The following PFKP variants were observed in gnomAD, a reference collection of about 807,000 sequenced individuals.
The protein encoded by PFKP is ATP-dependent 6-phosphofructokinase, platelet type.
Under a neutral mutation model 94.3 loss-of-function variants are expected in PFKP, and 101 were observed. The ratio of observed to expected loss-of-function variants is 1.07; its 90% CI spans 0.91 to 1.26. The LOEUF is 1.26. Ranked by LOEUF, PFKP falls within the 50% of genes most tolerant of loss-of-function variation. The pLI, the probability that PFKP is intolerant of heterozygous loss-of-function variation, is 0.00. For missense variants in PFKP, 1,145 were observed against 1,103.3 expected (o/e 1.04, Z -0.53); for synonymous variants, 573 against 432.6 (o/e 1.32, Z -4.03).
At position 3,099,349 on chromosome 10, in the gene PFKP, A is replaced by G; in HGVS notation, c.261A>G (p.Gln87=). 1 of 1,613,406 alleles carries G rather than the reference A, an allele frequency of 6.2e-7. No homozygotes were observed. The highest frequency in any genetic ancestry group is 1.3e-5 in the African/African-American group (1 of 75,028). The change falls in exon 3 of 22, where the codon CAA becomes CAG. Residue 87 remains glutamine, a synonymous_variant. Transcript: ENST00000381125. ...GGGAGAGTGTCTCCAGCATCCTGCA[A>G]GTGGTAGGTACTGGGCTGCGTCCAC... is the stretch of plus-strand genomic sequence containing the variant. ...ADWESVSSIL[Q]VGGTIIGSAR...
intron 16 of PFKP, 50 bp downstream of exon 16, chr10:3,120,094 G>A (rs199892292): frequency 1.1e-4 from 178 of 1,579,828 alleles, no homozygotes; most frequent in South Asian, 4.3e-4. Flanking sequence ...CGCTAACCCC[G>A]GGGCCCCGGC....
At chr10:3,091,631 A>G (rs1834047206) in intron 2 of PFKP, among the ~76,000 whole-genome samples, 1 of 152,112 alleles carries the variant, frequency 6.6e-6, no homozygotes, top group South Asian at 2.1e-4. Flanking sequence ...CGCGGCCAAC[A>G]TGACGAAACT....
intron 13 of PFKP, among the ~76,000 whole-genome samples, chr10:3,114,350 A>T (rs1327312044): frequency 6.6e-6 from 1 of 152,114 alleles, no homozygotes; most frequent in Admixed American, 6.5e-5. Flanking sequence ...GGGTTTCATC[A>T]TGTTGGCCAG....
In PFKP at chr10:3,129,861, C is replaced by T. The variant is rs1424918673; in HGVS notation, c.1726C>T (p.Arg576Cys). 4 of 1,613,540 alleles carry T rather than the reference C, an allele frequency of 2.5e-6. No homozygotes were observed. The highest frequency in any genetic ancestry group is 3.4e-6 in the Non-Finnish European group (4 of 1,179,988). ...GCAGTCCGCCAGCGGAACCAAGCGG[C>T]GCGTGTTCATCATCGAGACCATGGG... ...IKQSASGTKR[R>C]VFIIETMGGY... is the part of the protein sequence containing the mutation. Residue 576 changes from arginine to cysteine, a missense_variant, in exon 17 of 22, where the codon CGC becomes TGC. By Grantham distance (180) the Arg-to-Cys change is radical. Transcript: ENST00000381125.
chr10:3,130,132 G>A (rs955861521), intron 17 of PFKP, 149 bp downstream of exon 17: 18 of 689,084 alleles, frequency 2.6e-5, no homozygotes, highest in South Asian at 4.2e-5. Context: ...ACTTCGCATC[G>A]CCCAGGTGCC....
At position 3,134,500 on chromosome 10, in the gene PFKP, A is replaced by C. The variant is rs909900060; in HGVS notation, c.2040A>C (p.Pro680=). 7 of 1,613,100 alleles carry C rather than the reference A, an allele frequency of 4.3e-6. No individual in the cohort carries two copies. In the African/African-American group the frequency reaches 8.0e-5, roughly 18 times the overall value. Residue 680 remains proline, a synonymous_variant, in exon 20 of 22, where the codon CCA becomes CCC. Coordinates refer to ENST00000381125, the MANE Select transcript of PFKP (RefSeq NM_002627.5). ...GHMQQGGAPS[P]FDRNFGTKIS... is the part of the protein sequence containing the mutation. Reference sequence around the variant, plus strand: ...ACCAACAGGGTGGGGCACCCTCTCCATTTGATAGAAACTTTGGAACCAAAA... The same window carrying C: ...ACCAACAGGGTGGGGCACCCTCTCCCTTTGATAGAAACTTTGGAACCAAAA...
intron 17 of PFKP, among the ~76,000 whole-genome samples, chr10:3,131,535 C>T (rs10430770): frequency 0.23 from 34,740 of 152,148 alleles, 4,879 homozygotes; most frequent in Non-Finnish European, 0.32. Flanking sequence ...CGGCTCACTG[C>T]AACTTCCGCC....
intron 16 of PFKP, among the ~76,000 whole-genome samples, chr10:3,126,392 G>A (rs1837949752): frequency 6.6e-6 from 1 of 152,224 alleles, no homozygotes; most frequent in Non-Finnish European, 1.5e-5. Flanking sequence ...CTTGACCCCT[G>A]TTGGGTGAAT....
At chr10:3,092,802 A>T (rs972539461) in intron 2 of PFKP, among the ~76,000 whole-genome samples, 1 of 152,202 alleles carries the variant, frequency 6.6e-6, no homozygotes, top group African/African-American at 2.4e-5. Context: ...TAAAGTGAGA[A>T]ATCTCACACT....
chr10:3,069,710 CTG>C (rs1832040666), intron 1 of PFKP, among the ~76,000 whole-genome samples: 1 of 151,550 alleles, frequency 6.6e-6, no homozygotes, highest in South Asian at 2.1e-4. Context: ...TAGTGAGACT[CTG>C]TGTCTACAAA....
chr10:3,108,661 G>C, intron 8 of PFKP, 40 bp from the exon 9 acceptor site: 3 of 1,479,090 alleles, frequency 2.0e-6, no homozygotes, highest in Non-Finnish European at 2.8e-6. Flanking sequence ...TGCTGTGTCC[G>C]CATCACAGTT....
At chr10:3,068,299 C>A (rs992118096) in intron 1 of PFKP, among the ~76,000 whole-genome samples, 5 of 152,138 alleles carry the variant, frequency 3.3e-5, no homozygotes, top group Admixed American at 1.3e-4. Flanking sequence ...TGCTGCAATG[C>A]GGGACGCGGC....
chr10:3,132,198 C>G (rs190974984), intron 17 of PFKP, among the ~76,000 whole-genome samples, 182 bp from the exon 18 acceptor site: 2 of 152,312 alleles, frequency 1.3e-5, no homozygotes, highest in Admixed American at 1.3e-4. Flanking sequence ...CAGCGTTCAT[C>G]GCTGCAGACG....
intron 2 of PFKP, among the ~76,000 whole-genome samples, chr10:3,083,286 C>G (rs114723020): frequency 6.6e-6 from 1 of 152,162 alleles, no homozygotes; most frequent in Non-Finnish European, 1.5e-5. Context: ...GACTCCCTGT[C>G]TGCCACTTTT....
intron 11 of PFKP, 38 bp from the exon 12 acceptor site, chr10:3,113,081 A>G (rs1038120324): frequency 6.3e-7 from 1 of 1,587,696 alleles, no homozygotes; most frequent in Non-Finnish European, 8.6e-7. Flanking sequence ...TGTGTCCGGT[A>G]TTCTCGACTC....
chr10:3,120,070 C>T lies in PFKP; in HGVS notation c.1683+26C>T, dbSNP rs757157459. 261 of 1,609,912 alleles carry T rather than the reference C, an allele frequency of 1.6e-4. 4 individuals are homozygous for T. In the South Asian group the frequency reaches 2.5e-3, roughly 15 times the overall value. On this transcript the variant is annotated intron_variant, in intron 16 of 21. Coordinates refer to ENST00000381125, the MANE Select transcript of PFKP (RefSeq NM_002627.5). ...GTAAGTCCGTGTGCGCCCTGCCAGGCGGGCGCCGGCTGACGCTAACCCCGG... is the reference window on the plus strand; with the variant it reads ...GTAAGTCCGTGTGCGCCCTGCCAGGTGGGCGCCGGCTGACGCTAACCCCGG...
rs187827389 is a variant in PFKP at position 3,129,809 on chromosome 10, C to T, written c.1684-10C>T. The T allele has an allele frequency of 1.2e-6, 2 of 1,613,176 alleles. No individual in the cohort carries two copies. The highest frequency in any genetic ancestry group is 2.2e-5 in the East Asian group (1 of 44,872). ...TGGGCTGGAGTGACTGATCGCTTCT[C>T]TGTGACCAGACCTGCGACCGCATCA... is the stretch of plus-strand genomic sequence containing the variant. On this transcript the variant is annotated splice_polypyrimidine_tract_variant and intron_variant, in intron 16 of 21. Transcript: ENST00000381125.
intron 1 of PFKP, among the ~76,000 whole-genome samples, chr10:3,073,334 C>A (rs530270782): frequency 4.6e-5 from 7 of 151,990 alleles, no homozygotes; most frequent in African/African-American, 1.7e-4. Context: ...TGAAAGTGTT[C>A]AGGAGGAAAA....
At chr10:3,074,874 G>GACAC (rs199637312) in intron 1 of PFKP, among the ~76,000 whole-genome samples, 2 of 152,098 alleles carry the variant, frequency 1.3e-5, no homozygotes, top group African/African-American at 4.8e-5. Flanking sequence ...AGGAATTAAA[G>GACAC]ACACACACAC....
Sources: gnomAD v4.1 joint callset for allele counts (sites outside exome capture counted in the v4.1 genomes callset) on GRCh38, gnomAD v4.1.1 for gene constraint, MANE v1.5 for transcripts, NCBI Gene and HGNC (gene_info 2026-07-23, HGNC 2026-07-21) for gene names.